The following UPF2 variants were observed in gnomAD, a reference collection of about 807,000 sequenced individuals.
The protein encoded by UPF2 is UPF2 regulator of nonsense mediated mRNA decay, also known as regulator of nonsense transcripts 2.
Under a neutral mutation model 141.4 loss-of-function variants are expected in UPF2, and 17 were observed. That is an observed-to-expected ratio of 0.12 (90% CI 0.08 to 0.18). The LOEUF (loss-of-function observed/expected upper bound fraction) is 0.18. Ranked by LOEUF, UPF2 falls within the 10% of genes least tolerant of loss-of-function variation. The pLI is 1.00. For missense variants in UPF2, 1,152 were observed against 1,515.9 expected (o/e 0.76, Z 3.99); for synonymous variants, 540 against 498.0 (o/e 1.08, Z -1.12).
chr10:11,941,563 T>C (rs1193986951), intron 18 of UPF2, among the ~76,000 whole-genome samples: 1 of 151,852 alleles, frequency 6.6e-6, no homozygotes, highest in African/African-American at 2.4e-5. Context: ...TCTTCTACCT[T>C]TAAAAAAAAA....
intron 5 of UPF2, among the ~76,000 whole-genome samples, chr10:12,004,288 TAAAC>T (rs915627074): frequency 2.6e-5 from 4 of 152,182 alleles, no homozygotes; most frequent in Admixed American, 2.0e-4. Flanking sequence ...CAAGACATTA[TAAAC>T]AAACACTTTC....
chr10:12,023,567 G>A (rs1588575468), intron 3 of UPF2, among the ~76,000 whole-genome samples: 2 of 151,342 alleles, frequency 1.3e-5, no homozygotes, highest in East Asian at 1.9e-4. Context: ...GTGCATGCCT[G>A]TAATCCCAGT....
chr10:11,985,884 CT>C (rs746117868), intron 8 of UPF2, among the ~76,000 whole-genome samples: 78 of 100,704 alleles, frequency 7.7e-4, no homozygotes, highest in Admixed American at 6.9e-4. Context: ...TAGATCCTTC[CT>C]TTTTTTTTTT....
intron 2 of UPF2, 146 bp from the exon 3 acceptor site, chr10:12,029,670 A>G: frequency 2.1e-6 from 2 of 949,660 alleles, no homozygotes; most frequent in Non-Finnish European, 3.0e-6. Flanking sequence ...ACTTTTAAAG[A>G]CATTTTACTG....
chr10:12,023,004 T>G (rs1170114443), intron 3 of UPF2, among the ~76,000 whole-genome samples: 1 of 152,118 alleles, frequency 6.6e-6, no homozygotes, highest in Non-Finnish European at 1.5e-5. Context: ...TTGTTACCAC[T>G]TCCACCAATT....
chr10:12,002,917 G>A (rs2131268574), intron 5 of UPF2, among the ~76,000 whole-genome samples: 1 of 152,276 alleles, frequency 6.6e-6, no homozygotes, highest in South Asian at 2.1e-4. Flanking sequence ...TAAATTGAAA[G>A]TATGGTATTT....
Position 11,992,030 on chromosome 10 carries a change from C to T in UPF2, c.1844+5642G>A, listed in dbSNP as rs533994802. On this transcript the variant is annotated intron_variant, in intron 8 of 21. Transcript: ENST00000357604. The surrounding 1 kb of genome is among the most constrained non-coding windows in gnomAD (Gnocchi z 4.1). Reference sequence around the variant, plus strand: ...GCGTGGTGGCGGGCGCCTGTAATCCCAGCTACTCAGGAGCCTGAGGCAGAA... The same window carrying T: ...GCGTGGTGGCGGGCGCCTGTAATCCTAGCTACTCAGGAGCCTGAGGCAGAA... Among the ~76,000 whole-genome samples, 14 of 152,090 alleles carry T rather than the reference C, an allele frequency of 9.2e-5. No individual in the cohort carries two copies. The highest frequency in any genetic ancestry group is 3.4e-4 in the African/African-American group (14 of 41,468).
intron 8 of UPF2, among the ~76,000 whole-genome samples, chr10:11,988,251 A>C (rs937200316): frequency 2.0e-5 from 3 of 152,182 alleles, no homozygotes; most frequent in Non-Finnish European, 4.4e-5. Flanking sequence ...ATACCAAATT[A>C]CTTATAATGC....
At chr10:11,993,732 G>A (rs1185985011) in intron 8 of UPF2, among the ~76,000 whole-genome samples, 1 of 152,050 alleles carries the variant, frequency 6.6e-6, no homozygotes, top group Non-Finnish European at 1.5e-5. Flanking sequence ...CTGCACTTTC[G>A]GAGGCCAAAG....
intron 8 of UPF2, among the ~76,000 whole-genome samples, chr10:11,981,150 G>A (rs564717003): frequency 3.0e-4 from 46 of 152,210 alleles, no homozygotes; most frequent in African/African-American, 8.9e-4. Flanking sequence ...GCCACAGAGC[G>A]AGACTTTGTC....
chr10:11,928,887 C>G (rs547080001), intron 21 of UPF2, among the ~76,000 whole-genome samples: 29 of 152,318 alleles, frequency 1.9e-4, no homozygotes, highest in African/African-American at 6.0e-4. Context: ...TGGTGGCTCA[C>G]GCCTGTAATC....
rs1398718808 is a variant in UPF2, at chr10:11,920,045, C to CATCG, written c.*1249_*1252dup. ...TCTAAATTACAACACTTTATTGCAGCATCGGCAAAGGTCAGATTTCTGAAG... is the reference window on the plus strand; with the variant it reads ...TCTAAATTACAACACTTTATTGCAGCATCGATCGGCAAAGGTCAGATTTCTGAAG... On this transcript the variant is annotated 3_prime_UTR_variant, in exon 22 of 22. Coordinates refer to ENST00000357604, the MANE Select transcript of UPF2 (RefSeq NM_015542.4). 1 of 152,234 alleles carries CATCG rather than the reference C, an allele frequency of 6.6e-6. No homozygotes were observed. Among genetic ancestry groups the CATCG allele is most frequent in the Non-Finnish European group, 1.5e-5 (1 of 68,046 alleles). The allele number at this position is 152,234 out of a possible 1,614,324, so 9.4% of individuals were successfully genotyped here.
At chr10:11,957,541 A>C (rs1208360379) in intron 12 of UPF2, among the ~76,000 whole-genome samples, 1 of 151,854 alleles carries the variant, frequency 6.6e-6, no homozygotes, top group African/African-American at 2.4e-5. Flanking sequence ...CTTGAGATGG[A>C]GTCTCGCTCT....
At chr10:11,978,285 GAA>G (rs1226494021) in intron 9 of UPF2, among the ~76,000 whole-genome samples, 1 of 152,178 alleles carries the variant, frequency 6.6e-6, no homozygotes, top group African/African-American at 2.4e-5. Flanking sequence ...ATGATAAAGC[GAA>G]GTTTTGTAAA....
At position 11,936,386 on chromosome 10, in the gene UPF2, AAAAACAAAAAC is replaced by A. The variant is rs1832850601; in HGVS notation, c.3546+148_3546+158del. 2.6e-5 allele frequency among the ~76,000 whole-genome samples: 4 copies of A among 151,910 alleles called. No individual in the cohort carries two copies. The highest frequency in any genetic ancestry group is 7.3e-5 in the African/African-American group (3 of 41,270). ...TCTCAAAAAAAACAAAAACAAAAACAAAAACAAAAACAAAAAAAACTATATAAGGGAAGAAA... is the reference window on the plus strand; with the variant it reads ...TCTCAAAAAAAACAAAAACAAAAACAAAAAAAAACTATATAAGGGAAGAAA... On this transcript the variant is annotated intron_variant, in intron 19 of 21. Coordinates refer to ENST00000357604, the MANE Select transcript of UPF2 (RefSeq NM_015542.4). The surrounding 1 kb of genome is among the most constrained non-coding windows in gnomAD (Gnocchi z 6.6).
Position 11,959,239 on chromosome 10 carries a change from G to A in UPF2, c.2302C>T (p.Arg768Cys). The A allele has an allele frequency of 2.5e-6, 4 of 1,613,630 alleles. No homozygotes were observed. The highest frequency in any genetic ancestry group is 3.4e-6 in the Non-Finnish European group (4 of 1,179,882). The change falls in exon 12 of 22, where the codon CGT becomes TGT. Residue 768 changes from arginine (R) to cysteine (C), a missense_variant. Around this residue, in one of 4 missense-constraint regions of UPF2, gnomAD observed 739 missense variants for 1,032.2 expected, o/e 0.72. Coordinates refer to ENST00000357604, the MANE Select transcript of UPF2 (RefSeq NM_015542.4). The surrounding 1 kb of genome is among the most constrained non-coding windows in gnomAD (Gnocchi z 5.9). ...PPAEKTVKKK[R>C]PPLQEYVRKL... Reference sequence around the variant, plus strand: ...CGGACATATTCCTGGAGAGGAGGACGTTTCTTTTTCACGGTTTTTTCAGCT... The same window carrying A: ...CGGACATATTCCTGGAGAGGAGGACATTTCTTTTTCACGGTTTTTTCAGCT...
At chr10:11,938,868 T>TTTTTTTTTTTTTTTTTTTTTTTTGTTTTG (rs1832897282) in intron 18 of UPF2, among the ~76,000 whole-genome samples, 1 of 90,822 alleles carries the variant, frequency 1.1e-5, no homozygotes, top group African/African-American at 3.7e-5. Context: ...TTTTTTTTTT[T>TTTTTTTTTTTTTTTTTTTTTTTTGTTTTG]TTTTTTTTTT....
chr10:12,003,188 C>T (rs930943975), intron 5 of UPF2, among the ~76,000 whole-genome samples: 1 of 152,192 alleles, frequency 6.6e-6, no homozygotes, highest in African/African-American at 2.4e-5. Flanking sequence ...CAGAGAAAAA[C>T]TCCTGCCCAC....
At chr10:12,037,973 G>A (rs572899875) in intron 1 of UPF2, among the ~76,000 whole-genome samples, 2 of 151,912 alleles carry the variant, frequency 1.3e-5, no homozygotes, top group East Asian at 3.9e-4. Flanking sequence ...CTCCCTCATT[G>A]CTCTCCACTC....
Sources: gnomAD v4.1 joint callset for allele counts (sites outside exome capture counted in the v4.1 genomes callset) on GRCh38, gnomAD v4.1.1 for gene constraint, gnomAD v4.1.1 regional missense constraint, Gnocchi (gnomAD v3.1) non-coding constraint, MANE v1.5 for transcripts, NCBI Gene and HGNC (gene_info 2026-07-23, HGNC 2026-07-21) for gene names.